Variants in OR52K1 observed in about 807,000 individuals in gnomAD.
The protein encoded by OR52K1 is olfactory receptor 52K1.
In OR52K1, 10 loss-of-function variants were observed where a neutral mutation model predicts 8.7. The observed-to-expected ratio is 1.15, with a 90% CI of 0.71 to 1.95. The LOEUF (loss-of-function observed/expected upper bound fraction) is 1.95. Ranked by LOEUF, OR52K1 falls within the 30% of genes most tolerant of loss-of-function variation. OR52K1 has a pLI of 0.00. For missense variants in OR52K1, 431 were observed against 397.2 expected (o/e 1.08, Z -0.72); for synonymous variants, 203 against 148.5 (o/e 1.37, Z -2.67).
rs561883275 is a variant in OR52K1, at chr11:4,489,936, A to T, written c.*91A>T. The T allele has an allele frequency of 7.8e-6, 7 of 893,304 alleles. No individual in the cohort carries two copies. Among genetic ancestry groups the T allele is most frequent in the Non-Finnish European group, 1.2e-5 (7 of 578,678 alleles). The allele number at this position is 893,304 out of a possible 1,614,324, so 55.3% of individuals were successfully genotyped here. A position where few individuals can be genotyped will look rare whatever the true frequency, so the allele number is the denominator to read the frequency against. On this transcript the variant is annotated 3_prime_UTR_variant, in exon 2 of 2. Transcript: ENST00000641528. Reference sequence around the variant, plus strand: ...AAAAATCTAAATAGGAAAATTGCAGAGTATCTTTGACAATTCTCTAGTATG... The same window carrying T: ...AAAAATCTAAATAGGAAAATTGCAGTGTATCTTTGACAATTCTCTAGTATG...
chr11:4,483,247 C>A, intron 1 of OR52K1, 71 bp downstream of exon 1: 1 of 398,444 alleles, frequency 2.5e-6, no homozygotes, highest in Non-Finnish European at 4.4e-6. Context: ...ATGTGATTAT[C>A]CTTCCTTGTC....
rs1846379265 is a variant in OR52K1 at position 4,492,016 on chromosome 11, A to C, written c.*2171A>C. 6.6e-6 allele frequency: 1 copy of C among 151,916 alleles called. No homozygotes were observed. The highest frequency in any genetic ancestry group is 2.4e-5 in the African/African-American group (1 of 41,368). The allele number at this position is 151,916 out of a possible 1,614,324, so 9.4% of individuals were successfully genotyped here. On this transcript the variant is annotated 3_prime_UTR_variant, in exon 2 of 2. Coordinates refer to ENST00000641528, the MANE Select transcript of OR52K1 (RefSeq NM_001005171.3). The stretch of plus-strand genomic sequence containing the variant: ...TGCCTGGTCCATATAGACACGTGTT[A>C]TTGCAGAGGTGTGTGATACATATGC...
rs781661819 is a variant in OR52K1 at position 4,488,929 on chromosome 11, A to C, written c.29A>C (p.His10Pro). The C allele has an allele frequency of 6.2e-7, 1 of 1,613,970 alleles. No individual in the cohort carries two copies. The highest frequency in any genetic ancestry group is 1.1e-5 in the South Asian group (1 of 91,064). Reference protein sequence around the residue: MLPSNITSTHPAVFLLVGIP... With the variant: MLPSNITSTPPAVFLLVGIP... Reference sequence around the variant, plus strand: ...CTTCCCTCTAATATCACCTCAACACATCCAGCTGTCTTTTTGTTGGTAGGA... The same window carrying C: ...CTTCCCTCTAATATCACCTCAACACCTCCAGCTGTCTTTTTGTTGGTAGGA... Residue 10 changes from histidine (H) to proline (P), a missense_variant, in exon 2 of 2, where the codon CAT (histidine) becomes CCT (proline). His to Pro is a moderately conservative substitution (Grantham distance 77). Coordinates refer to ENST00000641528, the MANE Select transcript of OR52K1 (RefSeq NM_001005171.3).
chr11:4,489,257 C>T lies in OR52K1; in HGVS notation c.357C>T (p.Ala119=), dbSNP rs141745573. ...FSIMESAVLL[A]MAFDRYVAIC... is the part of the protein sequence containing the mutation. ...TCATGGAGTCAGCAGTGCTGCTGGC[C>T]ATGGCCTTTGACCGCTATGTGGCCA... Residue 119 remains alanine, a synonymous_variant, in exon 2 of 2, where the codon GCC becomes GCT. Transcript: ENST00000641528. 67 of 1,614,078 alleles carry T rather than the reference C, an allele frequency of 4.2e-5. No individual in the cohort carries two copies. The highest frequency in any genetic ancestry group is 1.6e-4 in the Middle Eastern group (1 of 6,084).
chr11:4,488,718 A>G lies in OR52K1; in HGVS notation c.-183A>G, dbSNP rs757238509. ...ATTTCTTTGAGGGTAGAAAATATGG[A>G]TTATACTTCTCCATGTCTATGAAGG... On this transcript the variant is annotated 5_prime_UTR_variant, in exon 2 of 2. Coordinates refer to ENST00000641528, the MANE Select transcript of OR52K1 (RefSeq NM_001005171.3). 8.6e-6 allele frequency: 5 copies of G among 584,522 alleles called. No individual in the cohort carries two copies. Among genetic ancestry groups the G allele is most frequent in the Non-Finnish European group, 1.5e-5 (5 of 329,776 alleles). 36.2% of individuals were successfully genotyped at this position (584,522 alleles called of 1,614,324 possible).
rs78677262 is a variant in OR52K1 at position 4,485,001 on chromosome 11, G to A, written c.-329+1825G>A. ...TATCTATTCTAACTCAGTCAAGTCA[G>A]GCTTTGCCTGTCTCTCTTCTAGCAA... On this transcript the variant is annotated intron_variant, in intron 1 of 1. Coordinates refer to ENST00000641528, the MANE Select transcript of OR52K1 (RefSeq NM_001005171.3). Among the ~76,000 whole-genome samples, 458 of 152,312 alleles carry A rather than the reference G, an allele frequency of 3.0e-3. 2 individuals carry two copies. Among genetic ancestry groups the A allele is most frequent in the African/African-American group, 0.011 (437 of 41,562 alleles).
Position 4,489,805 on chromosome 11 carries a change from G to C in OR52K1, c.905G>C (p.Arg302Pro), listed in dbSNP as rs572972458. The change falls in exon 2 of 2, where the codon CGT (arginine) becomes CCT (proline). Residue 302 changes from arginine to proline, a missense_variant. Transcript: ENST00000641528. ...IIYGVKTKQI[R>P]EYVLSLFQRK... ...TATGGAGTCAAGACCAAGCAGATTCGTGAGTATGTGCTCAGTCTATTCCAG... is the reference window on the plus strand; with the variant it reads ...TATGGAGTCAAGACCAAGCAGATTCCTGAGTATGTGCTCAGTCTATTCCAG... 5 of 1,613,028 alleles carry C rather than the reference G, an allele frequency of 3.1e-6. No homozygotes were observed. The highest frequency in any genetic ancestry group is 3.4e-6 in the Non-Finnish European group (4 of 1,179,392).
At chr11:4,488,160 C>A (rs1246111787) in intron 1 of OR52K1, among the ~76,000 whole-genome samples, 1 of 152,150 alleles carries the variant, frequency 6.6e-6, no homozygotes, top group Non-Finnish European at 1.5e-5. Context: ...TTTACAGAGA[C>A]CTGTGAATAC....
rs1248286553 is a variant in OR52K1 at position 4,489,822 on chromosome 11, C to G, written c.922C>G (p.Leu308Val). Reference sequence around the variant, plus strand: ...GCAGATTCGTGAGTATGTGCTCAGTCTATTCCAGAGAAAGAACATGTAGAT... The same window carrying G: ...GCAGATTCGTGAGTATGTGCTCAGTGTATTCCAGAGAAAGAACATGTAGAT... ...TKQIREYVLS[L>V]FQRKNM Residue 308 changes from leucine (L) to valine (V), a missense_variant, in exon 2 of 2, where the codon CTA (leucine) becomes GTA (valine). By Grantham distance (32) the Leu-to-Val change is conservative. Transcript: ENST00000641528. 1 of 1,608,996 alleles carries G rather than the reference C, an allele frequency of 6.2e-7. No individual in the cohort carries two copies. Among genetic ancestry groups the G allele is most frequent in the Non-Finnish European group, 8.5e-7 (1 of 1,177,282 alleles).
chr11:4,485,838 G>T (rs1319108812), intron 1 of OR52K1, among the ~76,000 whole-genome samples: 2 of 152,198 alleles, frequency 1.3e-5, no homozygotes, highest in Non-Finnish European at 2.9e-5. Flanking sequence ...AGTCCACAAA[G>T]GCCTGTGGGG....
chr11:4,484,833 G>GACACACACACACACACACACACAC (rs57428088), intron 1 of OR52K1, among the ~76,000 whole-genome samples: 1 of 113,606 alleles, frequency 8.8e-6, no homozygotes, highest in African/African-American at 3.3e-5. Flanking sequence ...AAAACACACA[G>GACACACACACACACACACACACAC]ACACACACAC....
chr11:4,489,752 T>A lies in OR52K1; in HGVS notation c.852T>A (p.Leu284=), dbSNP rs140410348. The change falls in exon 2 of 2, where the codon CTT becomes CTA. Residue 284 remains leucine (L), a synonymous_variant. Transcript: ENST00000641528. ...TACTCCTTGCTATTTTCTATCTCCT[T>A]TTCCCACCCATGGTCAATCCTATCA... The part of the protein sequence containing the change: ...VHILLAIFYL[L]FPPMVNPIIY... 4.3e-6 allele frequency: 7 copies of A among 1,614,200 alleles called. No homozygotes were observed. The highest frequency in any genetic ancestry group is 5.9e-6 in the Non-Finnish European group (7 of 1,180,036).
At chr11:4,486,007 TG>T (rs1564831625) in intron 1 of OR52K1, among the ~76,000 whole-genome samples, 1 of 152,250 alleles carries the variant, frequency 6.6e-6, no homozygotes, top group Non-Finnish European at 1.5e-5. Flanking sequence ...TCCTTTCCCC[TG>T]GGTGACTCCT....
rs1405334913 is a variant in OR52K1, at chr11:4,490,021, A to C, written c.*176A>C. The C allele has an allele frequency of 6.6e-6, 4 of 604,048 alleles. No individual in the cohort carries two copies. In the Admixed American group the frequency reaches 1.2e-4, roughly 18 times the overall value. The allele number at this position is 604,048 out of a possible 1,614,324, so 37.4% of individuals were successfully genotyped here. A position where few individuals can be genotyped will look rare whatever the true frequency, so the allele number is the denominator to read the frequency against. On this transcript the variant is annotated 3_prime_UTR_variant, in exon 2 of 2. Coordinates refer to ENST00000641528, the MANE Select transcript of OR52K1 (RefSeq NM_001005171.3). ...ACGAGTCAGGTCAAACCAGGAGTGC[A>C]CCTATAGTCTGGTCTGATAGTAGAG...
chr11:4,489,927 A>C lies in OR52K1; in HGVS notation c.*82A>C. ...GTTGAGGGGAAAAATCTAAATAGGA[A>C]AATTGCAGAGTATCTTTGACAATTC... On this transcript the variant is annotated 3_prime_UTR_variant, in exon 2 of 2. Coordinates refer to ENST00000641528, the MANE Select transcript of OR52K1 (RefSeq NM_001005171.3). 1 of 956,718 alleles carries C rather than the reference A, an allele frequency of 1.0e-6. No homozygotes were observed. Among genetic ancestry groups the C allele is most frequent in the Non-Finnish European group, 1.6e-6 (1 of 633,666 alleles). The allele number at this position is 956,718 out of a possible 1,614,324, so 59.3% of individuals were successfully genotyped here.
rs184356930 is a variant in OR52K1 at position 4,490,513 on chromosome 11, G to C, written c.*668G>C. ...TATATCATGTATCTAGCTTTTCACT[G>C]CATGTCTTTTGCCTCCAAAATACTT... On this transcript the variant is annotated 3_prime_UTR_variant, in exon 2 of 2. Coordinates refer to ENST00000641528, the MANE Select transcript of OR52K1 (RefSeq NM_001005171.3). 13 of 152,234 alleles carry C rather than the reference G, an allele frequency of 8.5e-5. No individual in the cohort carries two copies. Among genetic ancestry groups the C allele is most frequent in the African/African-American group, 3.1e-4 (13 of 41,540 alleles). The allele number at this position is 152,234 out of a possible 1,614,324, so 9.4% of individuals were successfully genotyped here. A position where few individuals can be genotyped will look rare whatever the true frequency, so the allele number is the denominator to read the frequency against.
intron 1 of OR52K1, among the ~76,000 whole-genome samples, chr11:4,487,519 A>T (rs1846330361): frequency 6.6e-6 from 1 of 151,450 alleles, no homozygotes; most frequent in Non-Finnish European, 1.5e-5. Flanking sequence ...TTATGGAAGG[A>T]AGTTAGTTTT....
chr11:4,484,338 G>A (rs1033453564), intron 1 of OR52K1, among the ~76,000 whole-genome samples: 1 of 152,126 alleles, frequency 6.6e-6, no homozygotes, highest in Non-Finnish European at 1.5e-5. Flanking sequence ...GTGTTGGAAG[G>A]GTGGAAGTGT....
intron 1 of OR52K1, among the ~76,000 whole-genome samples, chr11:4,484,189 C>T (rs904844305): frequency 1.7e-4 from 26 of 152,084 alleles, no homozygotes; most frequent in African/African-American, 6.3e-4. Flanking sequence ...TTTCTTAACT[C>T]CAGTCCCTTC....
Sources: allele counts gnomAD v4.1 joint callset (sites outside exome capture counted in the v4.1 genomes callset), GRCh38; gene constraint gnomAD v4.1.1; transcripts MANE v1.5; gene names NCBI Gene and HGNC (gene_info 2026-07-23, HGNC 2026-07-21).